Variants in IRAK3 observed in about 807,000 individuals in gnomAD.
IRAK3 encodes the protein interleukin-1 receptor-associated kinase 3.
Under a neutral mutation model 56.6 loss-of-function variants are expected in IRAK3, and 57 were observed. The observed-to-expected ratio is 1.01, with a 90% CI of 0.81 to 1.26. IRAK3 has a LOEUF of 1.26. Ranked by LOEUF, IRAK3 falls within the 50% of genes most tolerant of loss-of-function variation. The probability of loss-of-function intolerance (pLI) is 0.00; values close to 1 mark genes in which losing one functional copy is unlikely to be tolerated. For synonymous variants in IRAK3, 258 were observed against 255.7 expected, an observed-to-expected ratio of 1.01 and a Z score of -0.09; for missense variants, 703 against 719.0, an observed-to-expected ratio of 0.98 and a Z score of 0.25.
chr12:66,238,126 T>G (rs188538546), intron 8 of IRAK3, among the ~76,000 whole-genome samples: 10 of 152,144 alleles, frequency 6.6e-5, no homozygotes, highest in Admixed American at 5.2e-4. Flanking sequence ...CAGAGAGGAC[T>G]CAGATAAAAA....
In IRAK3 at chr12:66,254,496, ATTT is replaced by A. The variant is rs531909406; in HGVS notation, c.*6332_*6334del. ...GAGAGATCTTCACCAAATGTTAAGGATTTTTTTTTCTGGGCTGTGGTATTTGGG... is the reference window on the plus strand; with the variant it reads ...GAGAGATCTTCACCAAATGTTAAGGATTTTTTCTGGGCTGTGGTATTTGGG... On this transcript the variant is annotated 3_prime_UTR_variant, in exon 12 of 12. Transcript: ENST00000261233. 1 of 150,672 alleles carries A rather than the reference ATTT, an allele frequency of 6.6e-6. No individual in the cohort carries two copies. The highest frequency in any genetic ancestry group is 1.5e-5 in the Non-Finnish European group (1 of 67,606). The allele number at this position is 150,672 out of a possible 1,614,324, so 9.3% of individuals were successfully genotyped here. A position where few individuals can be genotyped will look rare whatever the true frequency, so the allele number is the denominator to read the frequency against.
chr12:66,215,788 A>ACG, intron 5 of IRAK3, among the ~76,000 whole-genome samples: 1 of 131,688 alleles, frequency 7.6e-6, no homozygotes, highest in Middle Eastern at 4.1e-3. Flanking sequence ...CCCAACATGC[A>ACG]CACACACACA....
rs1461847921 is a variant in IRAK3 at position 66,250,807 on chromosome 12, A to G, written c.*2636A>G. 6.6e-6 allele frequency: 1 copy of G among 152,216 alleles called. No homozygotes were observed. Among genetic ancestry groups the G allele is most frequent in the Non-Finnish European group, 1.5e-5 (1 of 68,026 alleles). 9.4% of individuals were successfully genotyped at this position (152,216 alleles called of 1,614,324 possible). ...TAGTATGCATCAGAATGACTTGGAA[A>G]GCTGGTTAAAAACGCAGATTGCTGG... On this transcript the variant is annotated 3_prime_UTR_variant, in exon 12 of 12. Coordinates refer to ENST00000261233, the MANE Select transcript of IRAK3 (RefSeq NM_007199.3).
chr12:66,199,835 T>C (rs1303325739), intron 1 of IRAK3, among the ~76,000 whole-genome samples: 1 of 152,226 alleles, frequency 6.6e-6, no homozygotes, highest in African/African-American at 2.4e-5. Context: ...TATATTAAAA[T>C]AACATTACCA....
chr12:66,235,245 T>TGCTGCTGCCCCCGGGGTTGCC lies in IRAK3; in HGVS notation c.887+6884_887+6904dup, dbSNP rs1240976687. On this transcript the variant is annotated intron_variant, in intron 8 of 11. Transcript: ENST00000261233. ...TGCTTGCGATAGGGCGTCCGGCAGT[T>TGCTGCTGCCCCCGGGGTTGCC]GCTGCTGCCCCCGGGGTTGCCGCTG... 6.4e-5 allele frequency: 102 copies of TGCTGCTGCCCCCGGGGTTGCC among 1,598,576 alleles called. 1 individual carries two copies. The African/African-American group carries it at 1.3e-3, about 20-fold the overall frequency.
intron 8 of IRAK3, chr12:66,234,377 CAAG>C (rs2052879570): frequency 6.2e-7 from 1 of 1,612,106 alleles, no homozygotes; most frequent in Non-Finnish European, 8.5e-7. Context: ...AGGTTGCGTC[CAAG>C]AAGGACTTTG....
At chr12:66,216,962 T>G (rs1444272022) in intron 5 of IRAK3, among the ~76,000 whole-genome samples, 3 of 152,202 alleles carry the variant, frequency 2.0e-5, no homozygotes, top group Non-Finnish European at 4.4e-5. Flanking sequence ...TGAAAAACCT[T>G]CAATTCAAGA....
intron 8 of IRAK3, among the ~76,000 whole-genome samples, chr12:66,241,134 A>G (rs2052965369): frequency 6.6e-6 from 1 of 152,156 alleles, no homozygotes; most frequent in African/African-American, 2.4e-5. Flanking sequence ...GTAACATCCT[A>G]GAGTCAGGTT....
chr12:66,247,809 A>G lies in IRAK3; in HGVS notation c.1429A>G (p.Ile477Val), dbSNP rs2136955476. The part of the protein sequence containing the change: ...SPLFLENVPS[I>V]PVEDDESQNN... ...TCTATTCCTGGAGAATGTACCAAGT[A>G]TTCCAGTGGAAGATGATGAAAGCCA... Residue 477 changes from isoleucine (I) to valine (V), a missense_variant, in exon 12 of 12, where the codon ATT (isoleucine) becomes GTT (valine). Transcript: ENST00000261233. 6.2e-7 allele frequency: 1 copy of G among 1,614,098 alleles called. No homozygotes were observed. Among genetic ancestry groups the G allele is most frequent in the South Asian group, 1.1e-5 (1 of 91,088 alleles).
In IRAK3 at chr12:66,248,099, G is replaced by T; in HGVS notation, c.1719G>T (p.Arg573Ser). Residue 573 changes from arginine to serine, a missense_variant, in exon 12 of 12, where the codon AGG becomes AGT. By Grantham distance (110) the Arg-to-Ser change is moderately radical. Coordinates refer to ENST00000261233, the MANE Select transcript of IRAK3 (RefSeq NM_007199.3). ...PSSEAPGHSC[R>S]SRPVESSCSS... The stretch of plus-strand genomic sequence containing the variant: ...CAGAAGCTCCAGGGCATTCTTGCAG[G>T]AGCAGGCCAGTGGAGAGCAGCTGTT... The T allele has an allele frequency of 1.2e-6, 2 of 1,606,600 alleles. No homozygotes were observed. Among genetic ancestry groups the T allele is most frequent in the South Asian group, 1.1e-5 (1 of 90,048 alleles).
At chr12:66,237,448 G>A (rs942101965) in intron 8 of IRAK3, among the ~76,000 whole-genome samples, 4 of 152,114 alleles carry the variant, frequency 2.6e-5, no homozygotes, top group African/African-American at 7.2e-5. Context: ...AAAGAAAAAG[G>A]AGATAAAAGC....
At chr12:66,200,793 T>G (rs1331585322) in intron 1 of IRAK3, among the ~76,000 whole-genome samples, 1 of 152,102 alleles carries the variant, frequency 6.6e-6, no homozygotes, top group Non-Finnish European at 1.5e-5. Context: ...TAATGACCTT[T>G]GGACTCTAAA....
rs184442219 is a variant in IRAK3 at position 66,203,181 on chromosome 12, G to A, written c.134-530G>A. Among the ~76,000 whole-genome samples, 466 of 152,196 alleles carry A rather than the reference G, an allele frequency of 3.1e-3. 2 individuals are homozygous for A. Among genetic ancestry groups the A allele is most frequent in the Admixed American group, 5.1e-3 (78 of 15,282 alleles). ...TCCATAATCTCAAAGTATCTTCCCC[G>A]AAATATTTATTAATTATAAAGAGAA... On this transcript the variant is annotated intron_variant, in intron 1 of 11. Coordinates refer to ENST00000261233, the MANE Select transcript of IRAK3 (RefSeq NM_007199.3).
chr12:66,230,501 C>T (rs2052833376), intron 8 of IRAK3, among the ~76,000 whole-genome samples: 1 of 152,184 alleles, frequency 6.6e-6, no homozygotes, highest in African/African-American at 2.4e-5. Flanking sequence ...CTTTGCACCC[C>T]TGCATCTGAC....
chr12:66,242,800 G>A (rs73127469), intron 8 of IRAK3, among the ~76,000 whole-genome samples: 8,239 of 152,278 alleles, frequency 0.054, 334 homozygotes, highest in Admixed American at 0.1. Context: ...GGGTCTGGGC[G>A]CAGTAGCTCA....
intron 2 of IRAK3, 136 bp from the exon 3 acceptor site, chr12:66,209,320 A>C (rs2136923413): frequency 1.5e-6 from 1 of 652,372 alleles, no homozygotes; most frequent in Admixed American, 2.5e-5. Flanking sequence ...TCACAAATTT[A>C]TCGTAATGTT....
In IRAK3 at chr12:66,219,580, G is replaced by A. The variant is rs541684617; in HGVS notation, c.653+2345G>A. Among the ~76,000 whole-genome samples the A allele has an allele frequency of 1.3e-3, 194 of 152,308 alleles. 1 individual carries two copies. Among genetic ancestry groups the A allele is most frequent in the African/African-American group, 4.0e-3 (168 of 41,564 alleles). On this transcript the variant is annotated intron_variant, in intron 6 of 11. Coordinates refer to ENST00000261233, the MANE Select transcript of IRAK3 (RefSeq NM_007199.3). ...ATGAAAATGGACTAATACATACCCA[G>A]AAGTGAGATTGTTGGATCTTATGGT...
At chr12:66,243,691 G>A (rs950031964) in intron 8 of IRAK3, among the ~76,000 whole-genome samples, 1 of 152,180 alleles carries the variant, frequency 6.6e-6, no homozygotes, top group Non-Finnish European at 1.5e-5. Flanking sequence ...GAGGAGAGAG[G>A]GCACTGAGGC....
chr12:66,218,655 A>C (rs987250329), intron 6 of IRAK3, among the ~76,000 whole-genome samples: 6 of 152,230 alleles, frequency 3.9e-5, no homozygotes, highest in African/African-American at 1.4e-4. Flanking sequence ...ACAAATAAAA[A>C]TTGTATATAT....
Sources: gnomAD v4.1 joint callset for allele counts (sites outside exome capture counted in the v4.1 genomes callset) on GRCh38, gnomAD v4.1.1 for gene constraint, MANE v1.5 for transcripts, NCBI Gene and HGNC (gene_info 2026-07-23, HGNC 2026-07-21) for gene names.